The following NRXN1 variants were observed in gnomAD, a reference collection of about 807,000 sequenced individuals.
The protein encoded by NRXN1 is neurexin 1.
NRXN1 carries 39 observed loss-of-function variants against 150.9 expected under a neutral mutation model. The observed-to-expected ratio is 0.26, with a 90% confidence interval of 0.20 to 0.34. The LOEUF (loss-of-function observed/expected upper bound fraction) is 0.34. Among genes scored for constraint, NRXN1 ranks in the 10% least tolerant of loss-of-function variants. The pLI is 1.00. For missense variants in NRXN1, 1,815 were observed against 1,949.9 expected, an observed-to-expected ratio of 0.93 and a Z score of 1.30; for synonymous variants, 924 against 757.0, an observed-to-expected ratio of 1.22 and a Z score of -3.62.
intron 18 of NRXN1, among the ~76,000 whole-genome samples, chr2:50,209,711 AT>A (rs1163296091): frequency 6.6e-6 from 1 of 152,114 alleles, no homozygotes; most frequent in African/African-American, 2.4e-5. Flanking sequence ...CAATAAAAAC[AT>A]GGAAAACATT....
chr2:49,965,223 T>C (rs1032839161), intron 21 of NRXN1, among the ~76,000 whole-genome samples: 3 of 151,588 alleles, frequency 2.0e-5, no homozygotes, highest in Admixed American at 6.6e-5. Flanking sequence ...AAAAAATTTT[T>C]TCTGCCTAAG....
At chr2:50,017,312 G>A (rs1464398732) in intron 21 of NRXN1, among the ~76,000 whole-genome samples, 1 of 152,080 alleles carries the variant, frequency 6.6e-6, no homozygotes, top group Non-Finnish European at 1.5e-5. Flanking sequence ...CCCAAGTGAT[G>A]TATTGTCAAA....
chr2:50,366,382 T>C (rs895027760), intron 17 of NRXN1, among the ~76,000 whole-genome samples: 1 of 151,946 alleles, frequency 6.6e-6, no homozygotes, highest in Non-Finnish European at 1.5e-5. Context: ...GTAATATTTT[T>C]GGAGTAGCCC....
At chr2:50,472,551 G>T in intron 15 of NRXN1, 80 bp from the exon 16 acceptor site, 1 of 1,113,448 alleles carries the variant, frequency 9.0e-7, no homozygotes, top group African/African-American at 1.7e-5. Context: ...GAAAAAACAG[G>T]GAGGTTTATT....
intron 5 of NRXN1, among the ~76,000 whole-genome samples, chr2:50,815,524 T>A (rs925919299): frequency 6.6e-6 from 1 of 152,184 alleles, no homozygotes; most frequent in Non-Finnish European, 1.5e-5. Context: ...GGTATTTTTT[T>A]ATTTCTATTT....
chr2:50,503,175 G>T (rs928632074), intron 13 of NRXN1, among the ~76,000 whole-genome samples: 1 of 152,068 alleles, frequency 6.6e-6, no homozygotes, highest in Admixed American at 6.6e-5. Flanking sequence ...GGGCATGATA[G>T]CATGTGCCTG....
chr2:50,101,305 C>T (rs190875253), intron 18 of NRXN1, among the ~76,000 whole-genome samples: 3 of 152,056 alleles, frequency 2.0e-5, no homozygotes, highest in African/African-American at 4.8e-5. Context: ...TTTGATATTA[C>T]CTCCACCAGG....
chr2:50,381,360 G>A (rs759505467), intron 17 of NRXN1, among the ~76,000 whole-genome samples: 14 of 152,006 alleles, frequency 9.2e-5, no homozygotes, highest in African/African-American at 1.2e-4. Context: ...TGGCAGAAGA[G>A]GGAGGAAGAA....
intron 22 of NRXN1, among the ~76,000 whole-genome samples, chr2:49,933,878 T>C (rs779546734): frequency 9.2e-5 from 14 of 152,226 alleles, no homozygotes; most frequent in African/African-American, 3.4e-4. Flanking sequence ...ATCAAGGACA[T>C]TATCTCCCCG....
intron 5 of NRXN1, among the ~76,000 whole-genome samples, chr2:50,643,714 T>TA (rs1484901171): frequency 6.6e-6 from 1 of 151,920 alleles, no homozygotes; most frequent in African/African-American, 2.4e-5. Flanking sequence ...TGTATGTACT[T>TA]ACATCGATTT....
chr2:50,198,832 C>A (rs1047086311), intron 18 of NRXN1, among the ~76,000 whole-genome samples: 2 of 152,036 alleles, frequency 1.3e-5, no homozygotes, highest in South Asian at 4.1e-4. Context: ...GAAGAACCCC[C>A]TTGGGTGAGT....
rs968235414 is a variant in NRXN1, at chr2:50,556,304, C to G, written c.1321-3279G>C. Among the ~76,000 whole-genome samples the G allele has an allele frequency of 3.9e-5, 6 of 152,052 alleles. No homozygotes were observed. In the South Asian group the frequency reaches 1.2e-3, roughly 32 times the overall value. ...ATTCATGTGTAAGCTATTTTTGCTTCTTTCTGAAACAATGTGGCACTCAAT... is the reference window on the plus strand; with the variant it reads ...ATTCATGTGTAAGCTATTTTTGCTTGTTTCTGAAACAATGTGGCACTCAAT... On this transcript the variant is annotated intron_variant, in intron 8 of 22. Coordinates refer to ENST00000401669, the MANE Select transcript of NRXN1 (RefSeq NM_001330078.2).
At chr2:50,298,744 G>A (rs1022647182) in intron 17 of NRXN1, among the ~76,000 whole-genome samples, 3 of 152,098 alleles carry the variant, frequency 2.0e-5, no homozygotes, top group Non-Finnish European at 4.4e-5. Context: ...TATTTCTAAT[G>A]TCTTATTCTA....
chr2:50,114,629 G>A (rs185462629), intron 18 of NRXN1, among the ~76,000 whole-genome samples: 42 of 152,164 alleles, frequency 2.8e-4, no homozygotes, highest in Admixed American at 2.7e-3. Flanking sequence ...GTAGGTGAAT[G>A]AATAAATAAA....
intron 8 of NRXN1, among the ~76,000 whole-genome samples, chr2:50,576,101 C>T (rs981207540): frequency 1.3e-5 from 2 of 152,102 alleles, no homozygotes; most frequent in African/African-American, 2.4e-5. Context: ...TTAAACTTCA[C>T]TAGATTCATT....
chr2:51,005,937 A>C (rs1700661098), intron 2 of NRXN1, among the ~76,000 whole-genome samples: 1 of 151,784 alleles, frequency 6.6e-6, no homozygotes. Flanking sequence ...AGTGAAGAGA[A>C]GACAAAAGAT....
At position 50,738,304 on chromosome 2, in the gene NRXN1, T is replaced by C. The variant is rs144557641; in HGVS notation, c.833-114689A>G. On this transcript the variant is annotated intron_variant, in intron 5 of 22. Transcript: ENST00000401669. ...TAAATGCTCCACTGACCCTAACTAT[T>C]TGCTACTGACCTCCACAGTTTGCTG... Among the ~76,000 whole-genome samples the C allele has an allele frequency of 6.6e-3, 1,002 of 152,334 alleles. 4 individuals carry two copies. The highest frequency in any genetic ancestry group is 9.6e-3 in the Non-Finnish European group (654 of 68,020).
chr2:50,195,002 G>A (rs543905386), intron 18 of NRXN1, among the ~76,000 whole-genome samples: 5 of 152,024 alleles, frequency 3.3e-5, no homozygotes, highest in South Asian at 2.1e-4. Context: ...AAATTAATAC[G>A]GCCCTGTAGA....
rs542758244 is a variant in NRXN1 at position 50,925,452 on chromosome 2, G to A, written c.790+486C>T. ...GGCTTATTTTTTAATCTAAATTTAT[G>A]TCTCTTACTTATACTCAGTACTTTA... is the stretch of plus-strand genomic sequence containing the variant. On this transcript the variant is annotated intron_variant, in intron 3 of 22. Transcript: ENST00000401669. Among the ~76,000 whole-genome samples, 7 of 151,844 alleles carry A rather than the reference G, an allele frequency of 4.6e-5. No homozygotes were observed. The South Asian group carries it at 1.5e-3, about 32-fold the overall frequency.
Sources: gnomAD v4.1 joint callset for allele counts (sites outside exome capture counted in the v4.1 genomes callset) on GRCh38, gnomAD v4.1.1 for gene constraint, MANE v1.5 for transcripts, NCBI Gene and HGNC (gene_info 2026-07-23, HGNC 2026-07-21) for gene names.